EHF: variants seen among roughly 807,000 people sequenced by gnomAD.
The protein encoded by EHF is ESE3 transcription factor.
A neutral mutation model predicts 45.1 loss-of-function variants in EHF; 14 were observed. The ratio of observed to expected loss-of-function variants is 0.31; its 90% CI spans 0.21 to 0.49. EHF has a LOEUF of 0.49. EHF is among the 20% of genes least tolerant of loss of function. The pLI is 0.99. For missense variants in EHF, 282 were observed against 371.4 expected (o/e 0.76, Z 1.98); for synonymous variants, 136 against 131.8 (o/e 1.03, Z -0.22).
At position 34,658,607 on chromosome 11, in the gene EHF, A is replaced by G. The variant is rs1258337271; in HGVS notation, c.682A>G (p.Lys228Glu). The G allele has an allele frequency of 6.2e-7, 1 of 1,613,722 alleles. No individual in the cohort carries two copies. Among genetic ancestry groups the G allele is most frequent in the Non-Finnish European group, 8.5e-7 (1 of 1,179,734 alleles). Residue 228 changes from lysine to glutamate, a missense_variant, in exon 8 of 9, where the codon AAA (lysine) becomes GAA (glutamate). This residue lies in a region of EHF where 41 missense variants were observed against 87.0 expected (regional missense o/e 0.47). Transcript: ENST00000257831. ...LNPDKNPGLI[K>E]WEDRSEGVFR... ...CCCAGACAAGAACCCAGGATTAATAAAATGGGAAGACCGATCTGAGGGCGT... is the reference window on the plus strand; with the variant it reads ...CCCAGACAAGAACCCAGGATTAATAGAATGGGAAGACCGATCTGAGGGCGT...
chr11:34,632,680 G>A, intron 1 of EHF: 1 of 1,535,144 alleles, frequency 6.5e-7, no homozygotes, highest in Non-Finnish European at 8.7e-7. Flanking sequence ...GCCAGAGAGG[G>A]TTGCCCGGCT....
chr11:34,642,532 CTT>C (rs200637887), intron 1 of EHF, 94 bp from the exon 2 acceptor site: 19,986 of 794,260 alleles, frequency 0.025, 321 homozygotes, highest in Admixed American at 0.034. Context: ...GACAAATTCT[CTT>C]TATTTTCTTC....
At chr11:34,630,854 A>AT (rs1008860195) in intron 1 of EHF, among the ~76,000 whole-genome samples, 10 of 151,916 alleles carry the variant, frequency 6.6e-5, no homozygotes, top group Non-Finnish European at 1.3e-4. Context: ...GAGAGGCAAC[A>AT]TTTCTGAGGC....
At chr11:34,626,714 G>A (rs185093278) in intron 1 of EHF, among the ~76,000 whole-genome samples, 90 of 152,304 alleles carry the variant, frequency 5.9e-4, no homozygotes, top group African/African-American at 2.0e-3. Context: ...TGTTGATGGA[G>A]TAAAATTTGA....
intron 1 of EHF, chr11:34,642,421 G>A (rs953819381): frequency 2.1e-6 from 1 of 482,816 alleles, no homozygotes; most frequent in African/African-American, 1.9e-5. Flanking sequence ...GTAAAAACTT[G>A]CCTCATGCAT....
At chr11:34,636,216 C>T (rs943970178) in intron 1 of EHF, among the ~76,000 whole-genome samples, 3 of 152,224 alleles carry the variant, frequency 2.0e-5, no homozygotes, top group Non-Finnish European at 4.4e-5. Context: ...AAGCATTTTA[C>T]AGGTATCATT....
intron 2 of EHF, among the ~76,000 whole-genome samples, chr11:34,643,497 G>T (rs1854226949): frequency 6.6e-6 from 1 of 152,230 alleles, no homozygotes. Context: ...CCTGCCAGAG[G>T]CTCTGCTGTT....
chr11:34,650,347 T>C (rs1253953173), intron 4 of EHF, among the ~76,000 whole-genome samples: 1 of 152,098 alleles, frequency 6.6e-6, no homozygotes, highest in African/African-American at 2.4e-5. Flanking sequence ...TCAGTTTGTT[T>C]TCAGAGACAA....
chr11:34,649,130 G>C (rs578013619), intron 4 of EHF, 49 bp downstream of exon 4: 1 of 1,598,692 alleles, frequency 6.3e-7, no homozygotes, highest in African/African-American at 1.3e-5. Context: ...CAAAGCTCCG[G>C]GGAGGACAGT....
At chr11:34,622,853 G>A (rs12224594) in intron 1 of EHF, among the ~76,000 whole-genome samples, 17,211 of 152,096 alleles carry the variant, frequency 0.11, 1,439 homozygotes, top group East Asian at 0.47. Flanking sequence ...ATACTTCACC[G>A]TGTTTCCAAA....
chr11:34,658,802 A>C, intron 8 of EHF, 30 bp from the exon 9 acceptor site: 1 of 1,607,478 alleles, frequency 6.2e-7, no homozygotes, highest in Non-Finnish European at 8.5e-7. Flanking sequence ...TCATCGGATC[A>C]GTCACCTTAT....
intron 1 of EHF, among the ~76,000 whole-genome samples, chr11:34,638,642 C>T (rs1853685312): frequency 6.6e-6 from 1 of 152,070 alleles, no homozygotes; most frequent in African/African-American, 2.4e-5. Context: ...GGGTAGGGGC[C>T]AGGGGTGCTG....
Position 34,661,220 on chromosome 11 carries a change from C to T in EHF, c.*2289C>T, listed in dbSNP as rs286887. 0.11 allele frequency among the ~76,000 whole-genome samples: 17,035 copies of T among 152,096 alleles called. 1,196 individuals are homozygous for T. Among genetic ancestry groups the T allele is most frequent in the East Asian group, 0.32 (1,679 of 5,174 alleles). On this transcript the variant is annotated 3_prime_UTR_variant, in exon 9 of 9. Transcript: ENST00000257831. ...TATCCAGTTACTTGAATGGGTATAA[C>T]GCATGAATATTTGTGTGTCTGTGTG...
chr11:34,637,586 GTAGGGGACTTGCT>G (rs1288761874), intron 1 of EHF, among the ~76,000 whole-genome samples: 1 of 152,242 alleles, frequency 6.6e-6, no homozygotes, highest in Non-Finnish European at 1.5e-5. Context: ...ATGGCACATT[GTAGGGGACTTGCT>G]GCCTAAGGCT....
intron 1 of EHF, chr11:34,622,447 TA>T: frequency 1.6e-6 from 2 of 1,267,446 alleles, no homozygotes; most frequent in Non-Finnish European, 2.1e-6. Context: ...TTTCAATGTG[TA>T]AAAGGGCAAT....
At chr11:34,625,686 TA>T (rs1852319309) in intron 1 of EHF, among the ~76,000 whole-genome samples, 1 of 152,212 alleles carries the variant, frequency 6.6e-6, no homozygotes, top group Non-Finnish European at 1.5e-5. Flanking sequence ...GACCTTGTTT[TA>T]AAAGAGACAC....
chr11:34,658,907 A>G lies in EHF; in HGVS notation c.879A>G (p.Arg293=), dbSNP rs768238883. The change falls in exon 9 of 9, where the codon CGA becomes CGG. Residue 293 remains arginine (R), a synonymous_variant. Coordinates refer to ENST00000257831, the MANE Select transcript of EHF (RefSeq NM_012153.6). ...TATATAAATTTGGGAAGAATGCCCGAGGATGGAGAGAAAATGAAAACTGAA... is the reference window on the plus strand; with the variant it reads ...TATATAAATTTGGGAAGAATGCCCGGGGATGGAGAGAAAATGAAAACTGAA... ...RLVYKFGKNA[R]GWRENEN 1.2e-6 allele frequency: 2 copies of G among 1,613,092 alleles called. No individual in the cohort carries two copies. Among genetic ancestry groups the G allele is most frequent in the African/African-American group, 2.7e-5 (2 of 74,838 alleles).
intron 1 of EHF, among the ~76,000 whole-genome samples, chr11:34,625,425 G>A (rs1269726257): frequency 2.6e-5 from 4 of 152,188 alleles, no homozygotes; most frequent in Non-Finnish European, 2.9e-5. Flanking sequence ...TTAGGCACTC[G>A]TGGTGTCTAC....
chr11:34,636,849 G>A (rs1326118332), intron 1 of EHF, among the ~76,000 whole-genome samples: 1 of 152,110 alleles, frequency 6.6e-6, no homozygotes, highest in Non-Finnish European at 1.5e-5. Context: ...CCTCAACATG[G>A]AGAAACCCAG....
Sources: gnomAD v4.1 joint callset for allele counts (sites outside exome capture counted in the v4.1 genomes callset) on GRCh38, gnomAD v4.1.1 for gene constraint, gnomAD v4.1.1 regional missense constraint, MANE v1.5 for transcripts, NCBI Gene and HGNC (gene_info 2026-07-23, HGNC 2026-07-21) for gene names.